EPS15L1: variants seen among roughly 807,000 people sequenced by gnomAD.
EPS15L1 encodes epidermal growth factor receptor substrate 15-like 1.
Under a neutral mutation model 117.1 loss-of-function variants are expected in EPS15L1, and 43 were observed. The observed-to-expected ratio is 0.37, with a 90% CI of 0.29 to 0.47. The LOEUF is 0.47. Among genes scored for constraint, EPS15L1 ranks in the 20% least tolerant of loss-of-function variants. The pLI, the probability that EPS15L1 is intolerant of heterozygous loss-of-function variation, is 0.99. For missense variants in EPS15L1, 981 were observed against 1,164.0 expected (o/e 0.84, Z 2.29); for synonymous variants, 459 against 470.5 (o/e 0.98, Z 0.32).
Position 16,459,213 on chromosome 19 carries a change from C to G in EPS15L1, c.33+12700G>C, listed in dbSNP as rs76619090. Among the ~76,000 whole-genome samples the G allele has an allele frequency of 7.9e-5, 12 of 152,322 alleles. No individual in the cohort carries two copies. The East Asian group carries it at 2.1e-3, about 27-fold the overall frequency. ...GTGACTGCATTCCCTATGCTTGGGG[C>G]CGCTGCCTGCTGCAGGCCAACGCCC... On this transcript the variant is annotated intron_variant, in intron 1 of 23. Coordinates refer to ENST00000455140, the MANE Select transcript of EPS15L1 (RefSeq NM_001258374.3).
In EPS15L1 at chr19:16,428,650, G is replaced by A. The variant is rs919615421; in HGVS notation, c.558+52C>T. 2.2e-5 allele frequency: 30 copies of A among 1,370,044 alleles called. No homozygotes were observed. The Admixed American group carries it at 2.3e-4, about 11-fold the overall frequency. 84.9% of individuals were successfully genotyped at this position (1,370,044 alleles called of 1,614,324 possible). On this transcript the variant is annotated intron_variant, in intron 8 of 23. Coordinates refer to ENST00000455140, the MANE Select transcript of EPS15L1 (RefSeq NM_001258374.3). ...GACAAACGAATCCAGCAACCCCTGC[G>A]CACTGCACATTTCCTTCCTGGGCTG...
chr19:16,423,660 G>C (rs2092839265), intron 9 of EPS15L1, among the ~76,000 whole-genome samples: 1 of 152,152 alleles, frequency 6.6e-6, no homozygotes. Context: ...TTGTGGCATT[G>C]TACTGTGTAA....
rs1326658758 is a variant in EPS15L1, at chr19:16,467,916, T to C, written c.33+3997A>G. Reference sequence around the variant, plus strand: ...TTTCTGTGGGTCTTGGTTTCCTCACTTGTAAAAGGGGAATAAAAGCCTCCT... The same window carrying C: ...TTTCTGTGGGTCTTGGTTTCCTCACCTGTAAAAGGGGAATAAAAGCCTCCT... On this transcript the variant is annotated intron_variant, in intron 1 of 23. Transcript: ENST00000455140. 6.6e-5 allele frequency among the ~76,000 whole-genome samples: 10 copies of C among 152,256 alleles called. 1 individual carries two copies. In the South Asian group the frequency reaches 2.1e-3, roughly 32 times the overall value.
At chr19:16,413,880 T>TGAATA (rs753652197) in intron 12 of EPS15L1, 35 bp from the exon 13 acceptor site, 529 of 1,534,236 alleles carry the variant, frequency 3.4e-4, no homozygotes, top group Non-Finnish European at 3.8e-4. Flanking sequence ...AAAACAAGAG[T>TGAATA]GAATAATAAG....
chr19:16,470,996 G>A (rs182646728), intron 1 of EPS15L1, among the ~76,000 whole-genome samples: 2 of 152,318 alleles, frequency 1.3e-5, no homozygotes, highest in Admixed American at 1.3e-4. Context: ...AGAAATCGGG[G>A]CTGGAGCCAA....
chr19:16,439,074 G>T (rs866217104), intron 4 of EPS15L1, among the ~76,000 whole-genome samples: 104 of 115,292 alleles, frequency 9.0e-4, no homozygotes, highest in Middle Eastern at 4.5e-3. Flanking sequence ...TTTTTTTTCT[G>T]TTTTTTTTTT....
intron 22 of EPS15L1, among the ~76,000 whole-genome samples, chr19:16,374,223 G>A (rs1283515224): frequency 1.3e-5 from 2 of 152,156 alleles, no homozygotes; most frequent in Non-Finnish European, 2.9e-5. Flanking sequence ...GGCATGGCCT[G>A]GCCTGTCTCC....
intron 16 of EPS15L1, chr19:16,401,440 G>A (rs2092600709): frequency 1.0e-6 from 1 of 985,460 alleles, no homozygotes; most frequent in Non-Finnish European, 1.2e-6. Flanking sequence ...GGAGCAGAAG[G>A]GCTCCAGGGA....
intron 13 of EPS15L1, among the ~76,000 whole-genome samples, chr19:16,407,473 G>A (rs908854266): frequency 3.3e-5 from 5 of 151,952 alleles, no homozygotes; most frequent in South Asian, 4.1e-4. Context: ...GCCCAGTTGC[G>A]TGATTTTTTT....
At position 16,377,624 on chromosome 19, in the gene EPS15L1, G is replaced by A. The variant is rs181802642; in HGVS notation, c.2248-370C>T. 6.2e-4 allele frequency among the ~76,000 whole-genome samples: 94 copies of A among 152,282 alleles called. 1 individual carries two copies. The highest frequency in any genetic ancestry group is 2.1e-4 in the Non-Finnish European group (14 of 68,022). ...CCTCCTGCTTACACTTCAGAGACACGCCCCACCCTCACCTGTATGCTGGCT... is the reference window on the plus strand; with the variant it reads ...CCTCCTGCTTACACTTCAGAGACACACCCCACCCTCACCTGTATGCTGGCT... On this transcript the variant is annotated intron_variant, in intron 21 of 23. Transcript: ENST00000455140.
rs2092363994 is a variant in EPS15L1 at position 16,381,656 on chromosome 19, T to C, written c.2247+3473A>G. On this transcript the variant is annotated intron_variant, in intron 21 of 23. Transcript: ENST00000455140. The surrounding 1 kb of genome is among the most constrained non-coding windows in gnomAD (Gnocchi z 4.2). ...GGAATCTGGGAGTGCCCCCATCTGC[T>C]GCCCCAGTTGTCCCCAGGCCTGTCC... is the stretch of plus-strand genomic sequence containing the variant. Among the ~76,000 whole-genome samples, 4 of 152,186 alleles carry C rather than the reference T, an allele frequency of 2.6e-5. No homozygotes were observed. The highest frequency in any genetic ancestry group is 1.3e-4 in the Admixed American group (2 of 15,280).
chr19:16,434,544 C>A (rs2092960661), intron 6 of EPS15L1, 54 bp from the exon 7 acceptor site: 1 of 1,576,382 alleles, frequency 6.3e-7, no homozygotes, highest in South Asian at 1.2e-5. Flanking sequence ...GTGTGAATGT[C>A]CAGACCGAGC....
At chr19:16,392,248 C>G in intron 19 of EPS15L1, 56 bp downstream of exon 19, 1 of 1,606,278 alleles carries the variant, frequency 6.2e-7, no homozygotes, top group African/African-American at 1.3e-5. Flanking sequence ...GAAGCGCCAC[C>G]CTTACCACAC....
At chr19:16,358,923 C>T (rs923053495) in intron 23 of EPS15L1, among the ~76,000 whole-genome samples, 1 of 152,236 alleles carries the variant, frequency 6.6e-6, no homozygotes, top group Admixed American at 6.5e-5. Context: ...CTAATACACA[C>T]ATTTGCCTGA....
In EPS15L1 at chr19:16,422,073, G is replaced by A. The variant is rs193263277; in HGVS notation, c.793-597C>T. Among the ~76,000 whole-genome samples the A allele has an allele frequency of 2.5e-3, 382 of 152,302 alleles. 3 individuals carry two copies. The highest frequency in any genetic ancestry group is 8.9e-3 in the African/African-American group (370 of 41,566). On this transcript the variant is annotated intron_variant, in intron 9 of 23. Coordinates refer to ENST00000455140, the MANE Select transcript of EPS15L1 (RefSeq NM_001258374.3). ...ACCATCCAAGAGGGCCACCACCCACGAGGCCCCACCAACATTCATGCAGCC... is the reference window on the plus strand; with the variant it reads ...ACCATCCAAGAGGGCCACCACCCACAAGGCCCCACCAACATTCATGCAGCC...
chr19:16,359,679 A>G (rs1336357165), intron 23 of EPS15L1, among the ~76,000 whole-genome samples: 1 of 152,158 alleles, frequency 6.6e-6, no homozygotes, highest in African/African-American at 2.4e-5. Context: ...TGGGTAGTAA[A>G]GTGAGACCTT....
At chr19:16,429,471 C>T (rs1327781093) in intron 7 of EPS15L1, among the ~76,000 whole-genome samples, 1 of 152,184 alleles carries the variant, frequency 6.6e-6, no homozygotes, top group African/African-American at 2.4e-5. Context: ...TCAGCATCAC[C>T]TCTCTCCAGC....
chr19:16,397,428 T>A (rs993452414), intron 16 of EPS15L1, among the ~76,000 whole-genome samples: 3 of 152,124 alleles, frequency 2.0e-5, no homozygotes, highest in East Asian at 1.9e-4. Flanking sequence ...AATTTTTTTT[T>A]AATCAATGAG....
At chr19:16,433,890 G>C (rs956753089) in intron 7 of EPS15L1, among the ~76,000 whole-genome samples, 3 of 152,092 alleles carry the variant, frequency 2.0e-5, no homozygotes, top group African/African-American at 7.2e-5. Flanking sequence ...TTGAACCGGG[G>C]AGGCAGAGGT....
Sources: allele counts gnomAD v4.1 joint callset (sites outside exome capture counted in the v4.1 genomes callset), GRCh38; gene constraint gnomAD v4.1.1; non-coding constraint Gnocchi (gnomAD v3.1); transcripts MANE v1.5; gene names NCBI Gene and HGNC (gene_info 2026-07-23, HGNC 2026-07-21).